The following SART3 variants were observed in gnomAD, a reference collection of about 807,000 sequenced individuals.
SART3 encodes the protein spliceosome associated factor 3, U4/U6 recycling protein.
SART3 carries 44 observed loss-of-function variants against 122.3 expected under a neutral mutation model. The observed-to-expected ratio is 0.36, with a 90% confidence interval of 0.28 to 0.46. SART3 has a LOEUF of 0.46. SART3 is among the 20% of genes least tolerant of loss of function. The probability of loss-of-function intolerance (pLI) is 1.00; values close to 1 mark genes in which losing one functional copy is unlikely to be tolerated. For synonymous variants in SART3, 442 were observed against 454.0 expected (o/e 0.97, Z 0.34); for missense variants, 1,101 against 1,229.0 (o/e 0.90, Z 1.56).
At chr12:108,544,530 G>C (rs368162445) in intron 4 of SART3, 52 bp from the exon 5 acceptor site, 2 of 1,614,050 alleles carry the variant, frequency 1.2e-6, no homozygotes, top group African/African-American at 1.3e-5. Context: ...AGCCAGCTAC[G>C]GGCTAAAGAA....
Position 108,552,676 on chromosome 12 carries a change from T to C in SART3, c.313-3462A>G, listed in dbSNP as rs552802233. On this transcript the variant is annotated intron_variant, in intron 1 of 18. Coordinates refer to ENST00000546815, the MANE Select transcript of SART3 (RefSeq NM_014706.4). ...AATCTGTATGCTGAAAATTACAAAA[T>C]GCTGAGGAAAGAAATCAAAGACCTA... Among the ~76,000 whole-genome samples, 60 of 151,996 alleles carry C rather than the reference T, an allele frequency of 3.9e-4. 1 individual carries two copies. In the South Asian group the frequency reaches 6.0e-3, roughly 15 times the overall value.
rs775769686 is a variant in SART3, at chr12:108,524,372, C to G, written c.2658G>C (p.Lys886Asn). 3.1e-6 allele frequency: 5 copies of G among 1,614,114 alleles called. No individual in the cohort carries two copies. The highest frequency in any genetic ancestry group is 4.2e-6 in the Non-Finnish European group (5 of 1,180,032). Reference protein sequence around the residue: ...SNPPQRKVPEKPETRKAPGGP... With the variant: ...SNPPQRKVPENPETRKAPGGP... The stretch of plus-strand genomic sequence containing the variant: ...CACCTGGTGCCTTCCTGGTCTCCGG[C>G]TTCTCTGGAACTTTCCTCTGAGGAG... Residue 886 changes from lysine (K) to asparagine (N), a missense_variant, in exon 18 of 19, where the codon AAG (lysine) becomes AAC (asparagine). Lys to Asn is a moderately conservative substitution (Grantham distance 94). Transcript: ENST00000546815.
chr12:108,540,634 T>A (rs1281512902), intron 6 of SART3, among the ~76,000 whole-genome samples: 2 of 95,154 alleles, frequency 2.1e-5, no homozygotes. Context: ...GATGGAAGCA[T>A]TGAAGGCAAA....
intron 17 of SART3, chr12:108,524,956 G>A (rs1381061804): frequency 3.4e-6 from 1 of 294,908 alleles, no homozygotes; most frequent in Non-Finnish European, 6.5e-6. Flanking sequence ...GAGGGAGAGT[G>A]GGCAGTGGGT....
intron 15 of SART3, among the ~76,000 whole-genome samples, chr12:108,528,593 G>A (rs538552096): frequency 3.3e-5 from 5 of 152,238 alleles, no homozygotes; most frequent in African/African-American, 1.2e-4. Flanking sequence ...AAGACAGGCA[G>A]GCATGGGGCA....
In SART3 at chr12:108,531,234, T is replaced by G. The variant is rs1054591258; in HGVS notation, c.1716A>C (p.Arg572=). ...WDIAVQKTET[R]LARVNEQRMK... ...TTCTCTGCTCATTGACACGAGCTAA[T>G]CGGGTTTCAGTTTTCTGAACAGCTA... Residue 572 remains arginine (R), a synonymous_variant, in exon 14 of 19, where the codon CGA becomes CGC. Coordinates refer to ENST00000546815, the MANE Select transcript of SART3 (RefSeq NM_014706.4). 6.2e-7 allele frequency: 1 copy of G among 1,613,978 alleles called. No individual in the cohort carries two copies. Among genetic ancestry groups the G allele is most frequent in the Non-Finnish European group, 8.5e-7 (1 of 1,179,996 alleles).
intron 12 of SART3, among the ~76,000 whole-genome samples, chr12:108,533,425 C>G (rs928392980): frequency 1.4e-5 from 2 of 148,104 alleles, no homozygotes; most frequent in Non-Finnish European, 3.0e-5. Context: ...GTTTGAGTTG[C>G]AAGCTAATCA....
Position 108,539,002 on chromosome 12 carries a change from T to C in SART3, c.994A>G (p.Ile332Val). 1.2e-6 allele frequency: 2 copies of C among 1,614,150 alleles called. No individual in the cohort carries two copies. The highest frequency in any genetic ancestry group is 8.5e-7 in the Non-Finnish European group (1 of 1,180,032). Reference protein sequence around the residue: ...KIGDPARIQLIFERALVENCL... With the variant: ...KIGDPARIQLVFERALVENCL... ...TTCTCGACCAGGGCGCGCTCAAAGA[T>C]CAACTGAATGCGAGCAGGATCGCCA... Residue 332 changes from isoleucine to valine, a missense_variant, in exon 7 of 19, where the codon ATC becomes GTC. By Grantham distance (29) the Ile-to-Val change is conservative. Coordinates refer to ENST00000546815, the MANE Select transcript of SART3 (RefSeq NM_014706.4).
At chr12:108,528,548 G>A (rs1872507675) in intron 15 of SART3, among the ~76,000 whole-genome samples, 1 of 151,686 alleles carries the variant, frequency 6.6e-6, no homozygotes, top group African/African-American at 2.4e-5. Context: ...GGCTGCAGCA[G>A]TGGTGCGGGA....
chr12:108,531,123 A>C (rs1565859175), intron 14 of SART3, 81 bp downstream of exon 14: 4 of 1,052,012 alleles, frequency 3.8e-6, no homozygotes, highest in Non-Finnish European at 6.0e-6. Flanking sequence ...AAAATGTAAA[A>C]CATCTTGACA....
At position 108,545,223 on chromosome 12, in the gene SART3, C is replaced by T. The variant is rs140999263; in HGVS notation, c.645G>A (p.Ser215=). ...CTTTGGTCATATGTAAACCAACAGA[C>T]GAGAGAGCCCTTTCAAACACGGAGC... ...KVRSVFERAL[S]SVGLHMTKGL... Residue 215 remains serine, a synonymous_variant, in exon 4 of 19, where the codon TCG becomes TCA. Transcript: ENST00000546815. 5.9e-5 allele frequency: 95 copies of T among 1,614,020 alleles called. No individual in the cohort carries two copies. Among genetic ancestry groups the T allele is most frequent in the East Asian group, 2.2e-4 (10 of 44,898 alleles).
chr12:108,530,389 G>T, intron 14 of SART3, 79 bp from the exon 15 acceptor site: 1 of 1,509,814 alleles, frequency 6.6e-7, no homozygotes, highest in Non-Finnish European at 9.1e-7. Context: ...AAGGGGAGAA[G>T]GAGTGGAAAT....
intron 12 of SART3, 43 bp from the exon 13 acceptor site, chr12:108,532,377 T>A (rs1253756535): frequency 3.8e-5 from 60 of 1,560,268 alleles, no homozygotes; most frequent in Non-Finnish European, 5.2e-5. Flanking sequence ...GGACACAAAG[T>A]GGAAGGCACT....
chr12:108,552,424 C>A, intron 1 of SART3, among the ~76,000 whole-genome samples: 1 of 150,128 alleles, frequency 6.7e-6, no homozygotes, highest in African/African-American at 2.4e-5. Context: ...ATAAAACTGT[C>A]CTGATTTGTA....
intron 12 of SART3, among the ~76,000 whole-genome samples, chr12:108,534,079 T>C (rs1287216034): frequency 6.6e-6 from 1 of 152,142 alleles, no homozygotes; most frequent in Non-Finnish European, 1.5e-5. Context: ...TAAATATATT[T>C]GCAAAAATAG....
intron 17 of SART3, chr12:108,524,864 CCAGGTGAGCCCTCG>C (rs1446167570): frequency 2.7e-5 from 10 of 365,596 alleles, no homozygotes; most frequent in Non-Finnish European, 5.1e-5. Flanking sequence ...GCCCAGGTGC[CCAGGTGAGCCCTCG>C]TGTTTCTGTG....
intron 1 of SART3, among the ~76,000 whole-genome samples, chr12:108,558,162 C>G (rs2030313717): frequency 6.9e-6 from 1 of 145,752 alleles, no homozygotes; most frequent in Admixed American, 6.8e-5. Context: ...GAGATGCTCT[C>G]AAAAAAAAAA....
At chr12:108,532,426 T>C in intron 12 of SART3, 92 bp from the exon 13 acceptor site, 1 of 978,054 alleles carries the variant, frequency 1.0e-6, no homozygotes, top group Non-Finnish European at 1.6e-6. Flanking sequence ...AGAAACTCAC[T>C]CTTCAGTAAC....
intron 6 of SART3, among the ~76,000 whole-genome samples, chr12:108,542,538 CACA>C (rs1873214908): frequency 6.6e-6 from 1 of 151,774 alleles, no homozygotes. Context: ...CATCGCAGTA[CACA>C]GACAACTTTA....
Sources: gnomAD v4.1 joint callset for allele counts (sites outside exome capture counted in the v4.1 genomes callset) on GRCh38, gnomAD v4.1.1 for gene constraint, MANE v1.5 for transcripts, NCBI Gene and HGNC (gene_info 2026-07-23, HGNC 2026-07-21) for gene names.